The following ANKIB1 variants were observed in gnomAD, a reference collection of about 807,000 sequenced individuals.
The protein encoded by ANKIB1 is ankyrin repeat and IBR domain-containing protein 1.
A neutral mutation model predicts 122.1 loss-of-function variants in ANKIB1; 43 were observed. The observed-to-expected ratio is 0.35, with a 90% CI of 0.28 to 0.45. The LOEUF is 0.45. Ranked by LOEUF, ANKIB1 falls within the 20% of genes least tolerant of loss-of-function variation. ANKIB1 has a pLI of 1.00. For missense variants in ANKIB1, 992 were observed against 1,329.5 expected (o/e 0.75, Z 3.95); for synonymous variants, 390 against 442.0 (o/e 0.88, Z 1.48).
intron 1 of ANKIB1, among the ~76,000 whole-genome samples, chr7:92,269,569 TAACA>T (rs1227619230): frequency 6.6e-6 from 1 of 152,208 alleles, no homozygotes; most frequent in African/African-American, 2.4e-5. Flanking sequence ...TTTTTCCTGT[TAACA>T]AACATTTTAT....
At chr7:92,392,380 T>G (rs552764461) in intron 17 of ANKIB1, 88 bp downstream of exon 17, 2 of 1,196,698 alleles carry the variant, frequency 1.7e-6, no homozygotes, top group African/African-American at 3.1e-5. Flanking sequence ...TAAATCCTTC[T>G]GAGATTATCA....
At chr7:92,279,144 C>G (rs1801965565) in intron 1 of ANKIB1, among the ~76,000 whole-genome samples, 1 of 152,208 alleles carries the variant, frequency 6.6e-6, no homozygotes. Flanking sequence ...CTATGAGAAT[C>G]TAATGCTGCA....
intron 5 of ANKIB1, among the ~76,000 whole-genome samples, chr7:92,342,558 T>C (rs1803460908): frequency 6.6e-6 from 1 of 152,212 alleles, no homozygotes; most frequent in Non-Finnish European, 1.5e-5. Context: ...TTTCAAGCTG[T>C]TTATTAAATG....
Position 92,391,180 on chromosome 7 carries a change from G to A in ANKIB1, c.2067G>A (p.Met689Ile). 1 of 1,609,968 alleles carries A rather than the reference G, an allele frequency of 6.2e-7. No individual in the cohort carries two copies. The highest frequency in any genetic ancestry group is 8.5e-7 in the Non-Finnish European group (1 of 1,177,916). ...IFELMQTDLE[M>I]VTEDLAQKVN... ...GCTTACTATAGACAGACCTAGAAAT[G>A]GTCACTGAAGACCTTGCCCAGAAAG... Residue 689 changes from methionine (M) to isoleucine (I), a missense_variant, in exon 16 of 20, where the codon ATG (methionine) becomes ATA (isoleucine). Physicochemically the swap from Met to Ile is conservative, Grantham distance 10. Coordinates refer to ENST00000265742, the MANE Select transcript of ANKIB1 (RefSeq NM_019004.2).
chr7:92,362,338 A>G (rs936049356), intron 10 of ANKIB1, 65 bp downstream of exon 10: 157 of 1,420,738 alleles, frequency 1.1e-4, no homozygotes, highest in Middle Eastern at 7.0e-4. Flanking sequence ...TAATGTGGTC[A>G]TATCTTTTTT....
chr7:92,363,914 C>A (rs895418188), intron 10 of ANKIB1, among the ~76,000 whole-genome samples: 2 of 152,222 alleles, frequency 1.3e-5, no homozygotes, highest in African/African-American at 4.8e-5. Context: ...GCGAAGGCTT[C>A]ATGTCCATTA....
intron 3 of ANKIB1, among the ~76,000 whole-genome samples, chr7:92,309,942 A>AAAAAATATATATATAT (rs1335765681): frequency 1.1e-5 from 1 of 91,818 alleles, no homozygotes; most frequent in African/African-American, 4.8e-5. Flanking sequence ...AAAAAAAAAA[A>AAAAAATATATATATAT]ATATATATAT....
intron 1 of ANKIB1, among the ~76,000 whole-genome samples, chr7:92,288,892 G>C (rs931530586): frequency 5.3e-5 from 8 of 151,896 alleles, no homozygotes; most frequent in Non-Finnish European, 7.4e-5. Flanking sequence ...AATTCCAATT[G>C]CTGACCATGG....
chr7:92,292,382 T>TA (rs1179065797), intron 1 of ANKIB1, among the ~76,000 whole-genome samples: 3 of 152,236 alleles, frequency 2.0e-5, no homozygotes, highest in East Asian at 1.9e-4. Context: ...AGATTTTTTT[T>TA]AAAAACTTGT....
At chr7:92,391,483 C>CTTTTTTTGGTGAT in intron 16 of ANKIB1, 139 bp downstream of exon 16, 1 of 768,178 alleles carries the variant, frequency 1.3e-6, no homozygotes. Context: ...AGTATGTTGA[C>CTTTTTTTGGTGAT]TTTTTTTGGT....
At chr7:92,253,003 G>A (rs868547745) in intron 1 of ANKIB1, among the ~76,000 whole-genome samples, 39 of 152,052 alleles carry the variant, frequency 2.6e-4, no homozygotes, top group African/African-American at 9.4e-4. Flanking sequence ...TTGCTTCCAA[G>A]CCGTCATAAA....
At position 92,295,024 on chromosome 7, in the gene ANKIB1, G is replaced by A. The variant is rs1802325354; in HGVS notation, c.46G>A (p.Asp16Asn). 6.2e-7 allele frequency: 1 copy of A among 1,606,902 alleles called. No homozygotes were observed. The highest frequency in any genetic ancestry group is 8.5e-7 in the Non-Finnish European group (1 of 1,176,702). ...ATTCCGTAAAGCACTCATCAATGGT[G>A]ATGAAAACCTGGCCTGCCAAATATA... The part of the protein sequence containing the change: ...TKFRKALING[D>N]ENLACQIYEN... The change falls in exon 2 of 20, where the codon GAT (aspartate) becomes AAT (asparagine). Residue 16 changes from aspartate (D) to asparagine (N), a missense_variant. By Grantham distance (23) the Asp-to-Asn change is conservative. Around this residue, in one of 4 missense-constraint regions of ANKIB1, gnomAD observed 54 missense variants for 112.3 expected, o/e 0.48. Transcript: ENST00000265742.
At chr7:92,283,037 C>G (rs1802041732) in intron 1 of ANKIB1, among the ~76,000 whole-genome samples, 1 of 152,124 alleles carries the variant, frequency 6.6e-6, no homozygotes, top group South Asian at 2.1e-4. Flanking sequence ...TCTTCTCTAA[C>G]TACAGTATCA....
In ANKIB1 at chr7:92,399,798, A is replaced by G. The variant is rs1301908952; in HGVS notation, c.*849A>G. Reference sequence around the variant, plus strand: ...TTATTTTAATATTAAAATACAGTTGATTAGCAACAGCGGTGCTGTATTTTA... The same window carrying G: ...TTATTTTAATATTAAAATACAGTTGGTTAGCAACAGCGGTGCTGTATTTTA... On this transcript the variant is annotated 3_prime_UTR_variant, in exon 20 of 20. Transcript: ENST00000265742. 6.6e-6 allele frequency: 1 copy of G among 152,204 alleles called. No individual in the cohort carries two copies. Among genetic ancestry groups the G allele is most frequent in the Non-Finnish European group, 1.5e-5 (1 of 68,028 alleles). 9.4% of individuals were successfully genotyped at this position (152,204 alleles called of 1,614,324 possible). A position where few individuals can be genotyped will look rare whatever the true frequency, so the allele number is the denominator to read the frequency against.
chr7:92,391,160 C>A lies in ANKIB1; in HGVS notation c.2053-6C>A, dbSNP rs1408537442. On this transcript the variant is annotated splice_region_variant and splice_polypyrimidine_tract_variant and intron_variant, in intron 15 of 19. Transcript: ENST00000265742. ...GTGATTTTTTTTTTTTCTCTGCTTA[C>A]TATAGACAGACCTAGAAATGGTCAC... The A allele has an allele frequency of 1.3e-6, 2 of 1,598,144 alleles. No individual in the cohort carries two copies. Among genetic ancestry groups the A allele is most frequent in the Non-Finnish European group, 1.7e-6 (2 of 1,172,032 alleles).
In ANKIB1 at chr7:92,272,103, G is replaced by A. The variant is rs537183726; in HGVS notation, c.-90-22786G>A. ...AATTTTGGACTTGAGTGGTGGTGATGGTTGCACAACAATGTGCATATACTT... is the reference window on the plus strand; with the variant it reads ...AATTTTGGACTTGAGTGGTGGTGATAGTTGCACAACAATGTGCATATACTT... On this transcript the variant is annotated intron_variant, in intron 1 of 19. Transcript: ENST00000265742. Among the ~76,000 whole-genome samples the A allele has an allele frequency of 2.6e-5, 4 of 152,218 alleles. No individual in the cohort carries two copies. The South Asian group carries it at 8.3e-4, about 32-fold the overall frequency.
At chr7:92,348,817 A>T (rs1278788506) in intron 7 of ANKIB1, among the ~76,000 whole-genome samples, 1 of 152,252 alleles carries the variant, frequency 6.6e-6, no homozygotes, top group Admixed American at 6.5e-5. Context: ...CTGGACGCCA[A>T]AGAGAATTTG....
At chr7:92,266,588 A>G (rs1562765111) in intron 1 of ANKIB1, among the ~76,000 whole-genome samples, 1 of 152,152 alleles carries the variant, frequency 6.6e-6, no homozygotes, top group Non-Finnish European at 1.5e-5. Flanking sequence ...GGGCCAGGGA[A>G]AACAGCTCAT....
chr7:92,298,867 TTTTAATATTCTG>T (rs1200483986), intron 2 of ANKIB1, among the ~76,000 whole-genome samples: 2 of 152,156 alleles, frequency 1.3e-5, no homozygotes, highest in African/African-American at 2.4e-5. Flanking sequence ...TAACACATCT[TTTTAATATTCTG>T]TGACAACTTC....
Sources: allele counts gnomAD v4.1 joint callset (sites outside exome capture counted in the v4.1 genomes callset), GRCh38; gene constraint gnomAD v4.1.1; regional missense constraint gnomAD v4.1.1; transcripts MANE v1.5; gene names NCBI Gene and HGNC (gene_info 2026-07-23, HGNC 2026-07-21).